ZNF787: variants seen among roughly 807,000 people sequenced by gnomAD.
ZNF787 encodes the protein zinc finger protein 787.
In ZNF787, 7 loss-of-function variants were observed where a neutral mutation model predicts 16.9. That is an observed-to-expected ratio of 0.42 (90% CI 0.24 to 0.78). ZNF787 has a LOEUF of 0.78. ZNF787 is among the 30% of genes least tolerant of loss of function. The pLI, the probability that ZNF787 is intolerant of heterozygous loss-of-function variation, is 0.30. For missense variants in ZNF787, 551 were observed against 589.3 expected (o/e 0.94, Z 0.67); for synonymous variants, 345 against 270.9 (o/e 1.27, Z -2.69).
chr19:56,089,895 T>G (rs1345463226), intron 2 of ZNF787, among the ~76,000 whole-genome samples: 2 of 152,170 alleles, frequency 1.3e-5, no homozygotes, highest in African/African-American at 4.8e-5. Flanking sequence ...AGGGATGGGC[T>G]TGCCTCCTCC....
chr19:56,088,001 C>A lies in ZNF787; in HGVS notation c.*22G>T. ...CGCCAAGCCCGAGGGGCCCTGCCCG[C>A]CCCCCCCCCCGGGCCCCTCCCCTAC... is the stretch of plus-strand genomic sequence containing the variant. On this transcript the variant is annotated 3_prime_UTR_variant, in exon 3 of 3. Transcript: ENST00000610935. The surrounding 1 kb of genome is among the most constrained non-coding windows in gnomAD (Gnocchi z 8.6). 11 of 14,854 alleles carry A rather than the reference C, an allele frequency of 7.4e-4. No homozygotes were observed. The highest frequency in any genetic ancestry group is 1.2e-3 in the Non-Finnish European group (11 of 8,860). The allele number at this position is 14,854 out of a possible 1,614,324, so 0.9% of individuals were successfully genotyped here. A position where few individuals can be genotyped will look rare whatever the true frequency, so the allele number is the denominator to read the frequency against.
chr19:56,107,382 A>G (rs530891169), intron 1 of ZNF787, among the ~76,000 whole-genome samples: 4 of 152,224 alleles, frequency 2.6e-5, no homozygotes, highest in Non-Finnish European at 5.9e-5. Flanking sequence ...CGCGCTCTCC[A>G]GGGTCCTCAT....
intron 1 of ZNF787, among the ~76,000 whole-genome samples, chr19:56,119,854 C>T (rs2030236259): frequency 6.6e-6 from 1 of 152,250 alleles, no homozygotes; most frequent in Non-Finnish European, 1.5e-5. Flanking sequence ...GCCAAAGAGG[C>T]TTACGGTCTT....
At chr19:56,097,041 A>G (rs1985900153) in intron 2 of ZNF787, among the ~76,000 whole-genome samples, 1 of 151,950 alleles carries the variant, frequency 6.6e-6, no homozygotes, top group South Asian at 2.1e-4. Context: ...CATGGGTCTC[A>G]CCCTCCTGAG....
intron 2 of ZNF787, among the ~76,000 whole-genome samples, chr19:56,096,341 C>T (rs1985873108): frequency 6.6e-6 from 1 of 151,948 alleles, no homozygotes; most frequent in African/African-American, 2.4e-5. Context: ...ACAGCTTGAG[C>T]CCAGGGGGTC....
intron 2 of ZNF787, among the ~76,000 whole-genome samples, chr19:56,099,252 C>T (rs1448585816): frequency 1.3e-5 from 2 of 152,146 alleles, no homozygotes; most frequent in Non-Finnish European, 2.9e-5. Flanking sequence ...CCTTGCCTGG[C>T]CCCCAAGACG....
At chr19:56,095,733 C>T (rs1985845018) in intron 2 of ZNF787, among the ~76,000 whole-genome samples, 1 of 152,214 alleles carries the variant, frequency 6.6e-6, no homozygotes, top group South Asian at 2.1e-4. Context: ...CTGCCCCAGC[C>T]CCTTTTGGGC....
chr19:56,107,236 G>C (rs768836784), intron 1 of ZNF787, among the ~76,000 whole-genome samples: 4 of 152,226 alleles, frequency 2.6e-5, no homozygotes, highest in African/African-American at 4.8e-5. Flanking sequence ...CGTGGGGAAG[G>C]GGAGAAGGGA....
At chr19:56,121,010 C>G (rs2030280516) in intron 1 of ZNF787, among the ~76,000 whole-genome samples, 162 bp downstream of exon 1, 2 of 142,466 alleles carry the variant, frequency 1.4e-5, no homozygotes, top group Non-Finnish European at 3.1e-5. Context: ...CGCGTCACCC[C>G]GGCCGCGCGC....
Position 56,088,783 on chromosome 19 carries a change from C to A in ZNF787, c.389G>T (p.Arg130Leu). ...CATGAGGTTGGAGCTCCAGCTGAAG[C>A]GCTTGCCGCACTCCAAGCAGGCGTA... is the stretch of plus-strand genomic sequence containing the variant. ...KPYACLECGKRFSWSSNLMQH... is the reference protein window; with the variant it reads ...KPYACLECGKLFSWSSNLMQH... Residue 130 changes from arginine to leucine, a missense_variant, in exon 3 of 3, where the codon CGC becomes CTC. Physicochemically the swap from Arg to Leu is moderately radical, Grantham distance 102. Transcript: ENST00000610935. This position sits in a 1 kb window ranked among gnomAD's most constrained non-coding sequence, Gnocchi z 8.6. 1 of 1,611,740 alleles carries A rather than the reference C, an allele frequency of 6.2e-7. No individual in the cohort carries two copies. Among genetic ancestry groups the A allele is most frequent in the South Asian group, 1.1e-5 (1 of 90,950 alleles).
chr19:56,110,936 G>A (rs2029961167), intron 1 of ZNF787, among the ~76,000 whole-genome samples: 1 of 152,230 alleles, frequency 6.6e-6, no homozygotes, highest in Admixed American at 6.5e-5. Context: ...GGTTATAGCT[G>A]GGTAGGGGGG....
chr19:56,110,160 G>C (rs1180724470), intron 1 of ZNF787, among the ~76,000 whole-genome samples: 1 of 152,188 alleles, frequency 6.6e-6, no homozygotes, highest in Non-Finnish European at 1.5e-5. Context: ...AGAAATTCAA[G>C]ACCAGCCCGG....
intron 1 of ZNF787, among the ~76,000 whole-genome samples, chr19:56,120,505 C>T (rs1264132165): frequency 6.6e-6 from 1 of 152,234 alleles, no homozygotes; most frequent in Non-Finnish European, 1.5e-5. Flanking sequence ...TCCTCCCCGC[C>T]TGCCGAGCAA....
At chr19:56,100,131 G>T (rs564625491) in intron 2 of ZNF787, among the ~76,000 whole-genome samples, 2 of 152,194 alleles carry the variant, frequency 1.3e-5, no homozygotes, top group Non-Finnish European at 2.9e-5. Context: ...GAAGGGTCCG[G>T]GGTGAGGGCC....
chr19:56,103,378 C>G (rs1350909767), intron 1 of ZNF787, 151 bp from the exon 2 acceptor site: 4 of 634,776 alleles, frequency 6.3e-6, no homozygotes, highest in African/African-American at 1.8e-5. Context: ...ACACCGAGAA[C>G]TGGCCTGGAG....
rs780032638 is a variant in ZNF787, at chr19:56,088,207, C to G, written c.965G>C (p.Cys322Ser). 1 of 1,530,260 alleles carries G rather than the reference C, an allele frequency of 6.5e-7. No homozygotes were observed. The highest frequency in any genetic ancestry group is 8.7e-7 in the Non-Finnish European group (1 of 1,144,758). 94.8% of individuals were successfully genotyped at this position (1,530,260 alleles called of 1,614,324 possible). The change falls in exon 3 of 3, where the codon TGC (cysteine) becomes TCC (serine). Residue 322 changes from cysteine (C) to serine (S), a missense_variant. By Grantham distance (112) the Cys-to-Ser change is moderately radical. Coordinates refer to ENST00000610935, the MANE Select transcript of ZNF787 (RefSeq NM_001002836.4). The surrounding 1 kb of genome is among the most constrained non-coding windows in gnomAD (Gnocchi z 8.6). ...GGCGCCCTGCACGAAGCCCTCCCCG[C>G]ACTCCACGCAGATGTGGGCCGGCTC... ...GEEPAHICVE[C>S]GEGFVQGAAL...
At chr19:56,106,966 G>A (rs1217944351) in intron 1 of ZNF787, among the ~76,000 whole-genome samples, 1 of 152,238 alleles carries the variant, frequency 6.6e-6, no homozygotes, top group African/African-American at 2.4e-5. Context: ...CAGCCCCACT[G>A]CAGGGTGCTG....
intron 2 of ZNF787, 53 bp downstream of exon 2, chr19:56,103,086 C>G: frequency 6.3e-7 from 1 of 1,592,476 alleles, no homozygotes; most frequent in Non-Finnish European, 8.6e-7. Context: ...CAAAGGAAGC[C>G]AGGGTCAGGT....
At chr19:56,113,691 AGGGAGG>A (rs2030047671) in intron 1 of ZNF787, among the ~76,000 whole-genome samples, 1 of 3,680 alleles carries the variant, frequency 2.7e-4, no homozygotes, top group Non-Finnish European at 5.1e-3. Flanking sequence ...ACCGGGACGC[AGGGAGG>A]CAGGGAGGCA....
Sources: allele counts gnomAD v4.1 joint callset (sites outside exome capture counted in the v4.1 genomes callset), GRCh38; gene constraint gnomAD v4.1.1; non-coding constraint Gnocchi (gnomAD v3.1); transcripts MANE v1.5; gene names NCBI Gene and HGNC (gene_info 2026-07-23, HGNC 2026-07-21).